The following GNAI3 variants were observed in gnomAD, a reference collection of about 807,000 sequenced individuals.
GNAI3 encodes the protein G protein subunit alpha i3.
A neutral mutation model predicts 41.8 loss-of-function variants in GNAI3; 12 were observed. The observed-to-expected ratio is 0.29, with a 90% CI of 0.18 to 0.47. The LOEUF is 0.47. Among genes scored for constraint, GNAI3 ranks in the 20% least tolerant of loss-of-function variants. The probability of loss-of-function intolerance (pLI) is 1.00; values close to 1 mark genes in which losing one functional copy is unlikely to be tolerated. For synonymous variants in GNAI3, 132 were observed against 146.5 expected (o/e 0.90, Z 0.71); for missense variants, 360 against 429.6 (o/e 0.84, Z 1.43).
intron 1 of GNAI3, among the ~76,000 whole-genome samples, chr1:109,571,894 GGT>G (rs1266326189): frequency 2.0e-4 from 30 of 151,954 alleles, no homozygotes; most frequent in South Asian, 2.1e-4. Flanking sequence ...CTCCAGCCTG[GGT>G]GACAGAGCAA....
chr1:109,583,378 G>A (rs1648943984), intron 5 of GNAI3, among the ~76,000 whole-genome samples: 1 of 151,682 alleles, frequency 6.6e-6, no homozygotes, highest in African/African-American at 2.4e-5. Context: ...CCTGGCTAAT[G>A]TTTTAAAAAA....
chr1:109,584,505 T>G (rs905941520), intron 5 of GNAI3, among the ~76,000 whole-genome samples: 15 of 152,262 alleles, frequency 9.9e-5, no homozygotes, highest in African/African-American at 3.6e-4. Context: ...CTGTCCTGTC[T>G]TTTTATGCCA....
Position 109,578,470 on chromosome 1 carries a change from CAAAAAAAA to C in GNAI3, c.304-720_304-713del, listed in dbSNP as rs35519193. Among the ~76,000 whole-genome samples the C allele has an allele frequency of 4.6e-3, 390 of 84,316 alleles. 3 individuals carry two copies. Among genetic ancestry groups the C allele is most frequent in the African/African-American group, 0.017 (364 of 21,676 alleles). The allele number at this position is 84,316 out of a possible 152,430, so 55.3% of individuals were successfully genotyped here. On this transcript the variant is annotated intron_variant, in intron 3 of 8. Transcript: ENST00000369851. Reference sequence around the variant, plus strand: ...GAGTGACAAGAGCGAAACTCCGTCTCAAAAAAAAAAAAAAAAAAAAAGAAAAGAAATAA... The same window carrying C: ...GAGTGACAAGAGCGAAACTCCGTCTCAAAAAAAAAAAAAGAAAAGAAATAA...
chr1:109,574,293 CTTT>C (rs559996663), intron 3 of GNAI3, among the ~76,000 whole-genome samples: 2 of 136,986 alleles, frequency 1.5e-5, no homozygotes, highest in Non-Finnish European at 1.6e-5. Context: ...TATTCAATTG[CTTT>C]TTTTTTTTTT....
intron 1 of GNAI3, among the ~76,000 whole-genome samples, chr1:109,556,845 G>C (rs1196239475): frequency 2.0e-5 from 3 of 152,058 alleles, no homozygotes; most frequent in Non-Finnish European, 4.4e-5. Flanking sequence ...TTAAAAACTT[G>C]TTTTTGGTAG....
At chr1:109,582,050 A>G (rs1291916401) in intron 4 of GNAI3, among the ~76,000 whole-genome samples, 1 of 152,056 alleles carries the variant, frequency 6.6e-6, no homozygotes, top group Non-Finnish European at 1.5e-5. Flanking sequence ...GCTGGTGTAC[A>G]GTGGCACTCT....
chr1:109,560,041 G>T (rs1443435405), intron 1 of GNAI3, among the ~76,000 whole-genome samples: 1 of 152,188 alleles, frequency 6.6e-6, no homozygotes, highest in Non-Finnish European at 1.5e-5. Context: ...ACTTATACCT[G>T]AATAGTGGTC....
chr1:109,587,006 C>A, intron 7 of GNAI3, 124 bp downstream of exon 7: 1 of 675,138 alleles, frequency 1.5e-6, no homozygotes, highest in Non-Finnish European at 2.6e-6. Flanking sequence ...GTGGTAGTGG[C>A]ATTGGCATTA....
At chr1:109,554,388 A>T (rs530675706) in intron 1 of GNAI3, among the ~76,000 whole-genome samples, 6 of 151,708 alleles carry the variant, frequency 4.0e-5, no homozygotes, top group African/African-American at 1.5e-4. Flanking sequence ...CCACACCAAC[A>T]TCTATTTTTT....
chr1:109,555,464 A>G (rs1000045319), intron 1 of GNAI3, among the ~76,000 whole-genome samples: 25 of 152,214 alleles, frequency 1.6e-4, no homozygotes, highest in African/African-American at 5.3e-4. Context: ...TGGTGCTGGG[A>G]TAATTGACAA....
At chr1:109,563,665 A>G (rs1648373161) in intron 1 of GNAI3, among the ~76,000 whole-genome samples, 1 of 152,148 alleles carries the variant, frequency 6.6e-6, no homozygotes, top group Non-Finnish European at 1.5e-5. Flanking sequence ...TGATAGGATT[A>G]TTGTCCATGT....
intron 1 of GNAI3, among the ~76,000 whole-genome samples, chr1:109,558,703 TTTGCTCC>T (rs1648224864): frequency 1.0e-5 from 1 of 99,984 alleles, no homozygotes; most frequent in Admixed American, 9.5e-5. Context: ...AAACACTGTT[TTTGCTCC>T]TTATTAATAA....
chr1:109,558,095 A>C (rs1004172405), intron 1 of GNAI3, among the ~76,000 whole-genome samples: 2 of 152,094 alleles, frequency 1.3e-5, no homozygotes, highest in Non-Finnish European at 2.9e-5. Flanking sequence ...CAATATTACC[A>C]TCTTGTATAG....
At chr1:109,553,993 A>G (rs1455820773) in intron 1 of GNAI3, among the ~76,000 whole-genome samples, 1 of 152,216 alleles carries the variant, frequency 6.6e-6, no homozygotes, top group African/African-American at 2.4e-5. Context: ...CACTTAGAGT[A>G]ATCGTCTCCA....
intron 1 of GNAI3, 54 bp from the exon 2 acceptor site, chr1:109,573,683 A>G: frequency 2.1e-6 from 3 of 1,395,726 alleles, no homozygotes; most frequent in Non-Finnish European, 3.1e-6. Flanking sequence ...TGTTGATATT[A>G]TACTTTTATG....
intron 1 of GNAI3, among the ~76,000 whole-genome samples, chr1:109,551,658 T>A (rs780424294): frequency 5.3e-5 from 8 of 152,148 alleles, no homozygotes; most frequent in Non-Finnish European, 1.0e-4. Flanking sequence ...GGATTAAATA[T>A]GGTAATAATG....
intron 1 of GNAI3, among the ~76,000 whole-genome samples, chr1:109,558,515 T>C (rs978776988): frequency 3.3e-5 from 5 of 152,190 alleles, no homozygotes; most frequent in Admixed American, 3.3e-4. Context: ...CTCAGAATAG[T>C]TAATGTAACC....
At chr1:109,560,835 C>T (rs1648292557) in intron 1 of GNAI3, among the ~76,000 whole-genome samples, 1 of 152,154 alleles carries the variant, frequency 6.6e-6, no homozygotes, top group Non-Finnish European at 1.5e-5. Flanking sequence ...AGGTGTGAGC[C>T]ACTGCATCTG....
intron 1 of GNAI3, among the ~76,000 whole-genome samples, chr1:109,551,770 A>T (rs555285701): frequency 1.3e-5 from 2 of 152,232 alleles, no homozygotes; most frequent in African/African-American, 4.8e-5. Context: ...TATGGAAATT[A>T]TACCAAATTA....
Sources: allele counts gnomAD v4.1 joint callset (sites outside exome capture counted in the v4.1 genomes callset), GRCh38; gene constraint gnomAD v4.1.1; transcripts MANE v1.5; gene names NCBI Gene and HGNC (gene_info 2026-07-23, HGNC 2026-07-21).